The following NEK6 variants were observed in gnomAD, a reference collection of about 807,000 sequenced individuals.
NEK6 encodes the protein serine/threonine-protein kinase Nek6.
NEK6 carries 27 observed loss-of-function variants against 43.5 expected under a neutral mutation model. The observed-to-expected ratio is 0.62, with a 90% CI of 0.46 to 0.86. The LOEUF (loss-of-function observed/expected upper bound fraction) is 0.86. Among genes scored for constraint, NEK6 ranks in the 40% least tolerant of loss-of-function variants. The pLI is 0.00. For synonymous variants in NEK6, 167 were observed against 164.1 expected (o/e 1.02, Z -0.14); for missense variants, 318 against 414.4 (o/e 0.77, Z 2.02).
chr9:124,344,105 C>A (rs1164694788), intron 8 of NEK6, among the ~76,000 whole-genome samples: 1 of 152,178 alleles, frequency 6.6e-6, no homozygotes, highest in Non-Finnish European at 1.5e-5. Context: ...CTTGTGTCAC[C>A]ACAGCCTCTG....
At chr9:124,286,673 G>A (rs1268162622) in intron 1 of NEK6, among the ~76,000 whole-genome samples, 3 of 152,208 alleles carry the variant, frequency 2.0e-5, no homozygotes, top group Non-Finnish European at 2.9e-5. Flanking sequence ...TGAGCCACTC[G>A]GGGCTGAGGC....
Position 124,275,902 on chromosome 9 carries a change from G to A in NEK6, c.-30+17817G>A, listed in dbSNP as rs534941552. Among the ~76,000 whole-genome samples the A allele has an allele frequency of 5.9e-5, 9 of 152,350 alleles. No homozygotes were observed. The South Asian group carries it at 1.7e-3, about 28-fold the overall frequency. ...CTGGGGACAGATAGGTCAGCGGGAC[G>A]GATGGAACCAGCTCTGTGACTCACA... On this transcript the variant is annotated intron_variant, in intron 1 of 9. Transcript: ENST00000320246. The surrounding 1 kb of genome is among the most constrained non-coding windows in gnomAD (Gnocchi z 4.4).
At chr9:124,346,697 C>T (rs780972829) in intron 8 of NEK6, among the ~76,000 whole-genome samples, 4 of 152,138 alleles carry the variant, frequency 2.6e-5, no homozygotes, top group Non-Finnish European at 4.4e-5. Context: ...GCTGCGCCAC[C>T]GCCTCAGGGC....
At position 124,351,080 on chromosome 9, in the gene NEK6, C is replaced by T; in HGVS notation, c.*133C>T. The T allele has an allele frequency of 3.2e-6, 2 of 616,022 alleles. No homozygotes were observed. The highest frequency in any genetic ancestry group is 1.9e-5 in the South Asian group (1 of 53,636). The allele number at this position is 616,022 out of a possible 1,614,324, so 38.2% of individuals were successfully genotyped here. On this transcript the variant is annotated 3_prime_UTR_variant, in exon 10 of 10. Transcript: ENST00000320246. ...TCAGCAGGTTCCCCAAAAGGCTGCC[C>T]AGCCTTACAGCAGATGCTGAAGGCA...
intron 1 of NEK6, chr9:124,258,345 C>T: frequency 1.0e-6 from 1 of 985,166 alleles, no homozygotes; most frequent in Non-Finnish European, 1.2e-6. Flanking sequence ...CCCGGAGCGT[C>T]TGGTGGCGTT....
rs1197313707 is a variant in NEK6, at chr9:124,351,173, C to T, written c.*226C>T. On this transcript the variant is annotated 3_prime_UTR_variant, in exon 10 of 10. Transcript: ENST00000320246. ...CAGATTCCAAAGTCCTTTCTTTATA[C>T]TGTTGTGGACAATCTCAGCTGGGTC... The T allele has an allele frequency of 1.3e-5, 6 of 475,844 alleles. No homozygotes were observed. Among genetic ancestry groups the T allele is most frequent in the Non-Finnish European group, 1.9e-5 (5 of 260,552 alleles). 29.5% of individuals were successfully genotyped at this position (475,844 alleles called of 1,614,324 possible).
chr9:124,347,921 C>A, intron 9 of NEK6, 99 bp downstream of exon 9: 2 of 712,042 alleles, frequency 2.8e-6, no homozygotes, highest in Non-Finnish European at 4.9e-6. Context: ...TGAGGTTAGG[C>A]TCACTTTACA....
chr9:124,346,037 C>G (rs972292133), intron 8 of NEK6, among the ~76,000 whole-genome samples: 17 of 152,184 alleles, frequency 1.1e-4, no homozygotes, highest in Non-Finnish European at 1.9e-4. Flanking sequence ...GGGTTTCAGG[C>G]TCCACATGGG....
intron 1 of NEK6, among the ~76,000 whole-genome samples, chr9:124,281,388 C>G (rs1322254624): frequency 1.3e-5 from 2 of 152,124 alleles, no homozygotes; most frequent in Non-Finnish European, 2.9e-5. Context: ...CAGACCCAGG[C>G]CAGGCCTAGG....
intron 1 of NEK6, among the ~76,000 whole-genome samples, chr9:124,281,622 T>A (rs935458396): frequency 2.0e-5 from 3 of 147,744 alleles, no homozygotes; most frequent in Non-Finnish European, 4.5e-5. Flanking sequence ...TGCTTCAGCC[T>A]CCTGAGTAGC....
rs951244980 is a variant in NEK6 at position 124,324,121 on chromosome 9, C to G, written c.406-2209C>G. On this transcript the variant is annotated intron_variant, in intron 5 of 9. Transcript: ENST00000320246. This position sits in a 1 kb window ranked among gnomAD's most constrained non-coding sequence, Gnocchi z 5.3. ...AGAGCTGGCTCGGTGCAGCCGCCAG[C>G]AGGGGAGGCCTGGCAGTGCAGAGAC... Among the ~76,000 whole-genome samples the G allele has an allele frequency of 1.3e-5, 2 of 152,238 alleles. No individual in the cohort carries two copies. Among genetic ancestry groups the G allele is most frequent in the Admixed American group, 1.3e-4 (2 of 15,288 alleles).
chr9:124,270,910 G>T (rs1181920862), intron 1 of NEK6, among the ~76,000 whole-genome samples: 1 of 152,224 alleles, frequency 6.6e-6, no homozygotes, highest in Non-Finnish European at 1.5e-5. Context: ...CCTTCTTAGG[G>T]CAGGGCCAGG....
intron 1 of NEK6, among the ~76,000 whole-genome samples, chr9:124,278,097 G>C (rs533571078): frequency 6.6e-6 from 1 of 152,140 alleles, no homozygotes; most frequent in Non-Finnish European, 1.5e-5. Context: ...CCTTTTCCAC[G>C]TGTAAACACA....
chr9:124,291,397 T>G (rs1330053653), intron 1 of NEK6, among the ~76,000 whole-genome samples: 2 of 152,044 alleles, frequency 1.3e-5, no homozygotes, highest in Non-Finnish European at 2.9e-5. Flanking sequence ...GAGGCCGAGG[T>G]CAGCAGATCA....
rs550781869 is a variant in NEK6, at chr9:124,296,280, C to T, written c.-29-5656C>T. On this transcript the variant is annotated intron_variant, in intron 1 of 9. Coordinates refer to ENST00000320246, the MANE Select transcript of NEK6 (RefSeq NM_014397.6). ...GTGCCTGAGTGTGAAGCCACAGGGA[C>T]GGCTTCCTGCTTTAGGGAAAACAAC... Among the ~76,000 whole-genome samples, 29 of 152,338 alleles carry T rather than the reference C, an allele frequency of 1.9e-4. No homozygotes were observed. The East Asian group carries it at 4.4e-3, about 23-fold the overall frequency.
At chr9:124,286,258 C>T (rs576514505) in intron 1 of NEK6, among the ~76,000 whole-genome samples, 1 of 152,268 alleles carries the variant, frequency 6.6e-6, no homozygotes, top group South Asian at 2.1e-4. Flanking sequence ...TCTTTTAAAG[C>T]TCTATAGGAT....
At chr9:124,325,530 A>G (rs1042236433) in intron 5 of NEK6, among the ~76,000 whole-genome samples, 1 of 152,240 alleles carries the variant, frequency 6.6e-6, no homozygotes, top group Non-Finnish European at 1.5e-5. Context: ...AAAAGCTGGT[A>G]TGCAGGTAGC....
At chr9:124,261,420 C>T in intron 1 of NEK6, 2 of 985,430 alleles carry the variant, frequency 2.0e-6, no homozygotes, top group Non-Finnish European at 2.4e-6. Context: ...GTGGAGGGAC[C>T]TGGTGAATCA....
At chr9:124,330,885 C>T (rs918777975) in intron 7 of NEK6, among the ~76,000 whole-genome samples, 3 of 152,248 alleles carry the variant, frequency 2.0e-5, no homozygotes, top group East Asian at 1.9e-4. Flanking sequence ...CTCCCAGAGC[C>T]GCCCTCACTT....
Sources: gnomAD v4.1 joint callset for allele counts (sites outside exome capture counted in the v4.1 genomes callset) on GRCh38, gnomAD v4.1.1 for gene constraint, Gnocchi (gnomAD v3.1) non-coding constraint, MANE v1.5 for transcripts, NCBI Gene and HGNC (gene_info 2026-07-23, HGNC 2026-07-21) for gene names.